The following ANKS1B variants were observed in gnomAD, a reference collection of about 807,000 sequenced individuals.
ANKS1B encodes the protein ankyrin repeat and sterile alpha motif domain-containing protein 1B.
A neutral mutation model predicts 148.3 loss-of-function variants in ANKS1B; 36 were observed. The ratio of observed to expected loss-of-function variants is 0.24; its 90% confidence interval spans 0.19 to 0.32. The LOEUF is 0.32. ANKS1B is among the 10% of genes least tolerant of loss of function. The pLI, the probability that ANKS1B is intolerant of heterozygous loss-of-function variation, is 1.00. For missense variants in ANKS1B, 1,157 were observed against 1,542.6 expected (o/e 0.75, Z 4.19); for synonymous variants, 542 against 560.8 (o/e 0.97, Z 0.47).
chr12:99,409,744 T>A (rs1484574626), intron 11 of ANKS1B, among the ~76,000 whole-genome samples: 2 of 148,996 alleles, frequency 1.3e-5, no homozygotes, highest in Non-Finnish European at 1.5e-5. Flanking sequence ...AATATTAAAA[T>A]GGAGATAAAA....
At chr12:99,499,894 A>G (rs2096639016) in intron 10 of ANKS1B, among the ~76,000 whole-genome samples, 1 of 152,112 alleles carries the variant, frequency 6.6e-6, no homozygotes, top group Admixed American at 6.5e-5. Flanking sequence ...CTGCCAAAAC[A>G]AAAACTTAAA....
intron 9 of ANKS1B, among the ~76,000 whole-genome samples, chr12:99,530,565 T>TA (rs1429589205): frequency 6.6e-5 from 10 of 152,194 alleles, no homozygotes; most frequent in African/African-American, 1.9e-4. Context: ...ACCACTGTAT[T>TA]AAAAAAATCA....
chr12:98,922,515 T>C (rs1385615141), intron 17 of ANKS1B, among the ~76,000 whole-genome samples: 1 of 152,234 alleles, frequency 6.6e-6, no homozygotes, highest in Non-Finnish European at 1.5e-5. Context: ...TTTTATTTTT[T>C]TGAGACAGAG....
intron 8 of ANKS1B, among the ~76,000 whole-genome samples, chr12:99,768,563 C>T (rs538749858): frequency 6.6e-6 from 1 of 152,218 alleles, no homozygotes; most frequent in African/African-American, 2.4e-5. Context: ...CGCAGTGGCT[C>T]ACACCTGTAA....
intron 1 of ANKS1B, among the ~76,000 whole-genome samples, chr12:99,847,085 G>A (rs554594361): frequency 5.3e-5 from 8 of 151,944 alleles, no homozygotes; most frequent in African/African-American, 1.9e-4. Flanking sequence ...GGCCTCAGAA[G>A]CAAGGTCTCT....
At chr12:98,768,338 C>T (rs1408210321) in intron 25 of ANKS1B, among the ~76,000 whole-genome samples, 3 of 145,946 alleles carry the variant, frequency 2.1e-5, no homozygotes, top group African/African-American at 5.1e-5. Flanking sequence ...ATGGTAGATT[C>T]CAAGCAACAA....
chr12:99,458,262 T>C (rs1052429657), intron 10 of ANKS1B, among the ~76,000 whole-genome samples: 23 of 151,970 alleles, frequency 1.5e-4, no homozygotes, highest in African/African-American at 5.6e-4. Context: ...ACCTCTGGGA[T>C]ACAGCAAAGG....
At chr12:98,795,786 C>T (rs956107994) in intron 22 of ANKS1B, 9 of 363,562 alleles carry the variant, frequency 2.5e-5, no homozygotes, top group Non-Finnish European at 4.8e-5. Flanking sequence ...GAGTGGACTG[C>T]CTGGTTTCAA....
At chr12:99,322,415 T>G (rs1382789111) in intron 12 of ANKS1B, among the ~76,000 whole-genome samples, 1 of 145,832 alleles carries the variant, frequency 6.9e-6, no homozygotes, top group African/African-American at 2.6e-5. Flanking sequence ...CAAACCACCA[T>G]GACACACGTA....
chr12:99,924,106 G>A (rs2153800902), intron 1 of ANKS1B, among the ~76,000 whole-genome samples: 1 of 152,152 alleles, frequency 6.6e-6, no homozygotes, highest in Non-Finnish European at 1.5e-5. Context: ...GTGTCTTCCT[G>A]ACATAGTACC....
intron 8 of ANKS1B, among the ~76,000 whole-genome samples, chr12:99,655,971 G>A (rs1482515584): frequency 6.6e-6 from 1 of 152,134 alleles, no homozygotes; most frequent in Non-Finnish European, 1.5e-5. Flanking sequence ...AGGTGTAAGT[G>A]TAGGTGGGGC....
At chr12:99,072,365 T>G (rs1229773555) in intron 16 of ANKS1B, among the ~76,000 whole-genome samples, 1 of 152,154 alleles carries the variant, frequency 6.6e-6, no homozygotes, top group Non-Finnish European at 1.5e-5. Flanking sequence ...TTTTTGTATT[T>G]ATATCTCACA....
chr12:98,894,900 C>T, intron 17 of ANKS1B: 1 of 960,276 alleles, frequency 1.0e-6, no homozygotes, highest in Non-Finnish European at 1.2e-6. Flanking sequence ...CCCCCACTGC[C>T]CCCGCCCCCC....
chr12:98,748,309 G>C (rs1336732675), intron 26 of ANKS1B, among the ~76,000 whole-genome samples: 1 of 152,152 alleles, frequency 6.6e-6, no homozygotes, highest in African/African-American at 2.4e-5. Context: ...AGGTGAGCAG[G>C]GACCCAGTCA....
At chr12:98,863,309 AT>A (rs537138172) in intron 17 of ANKS1B, among the ~76,000 whole-genome samples, 53 of 152,290 alleles carry the variant, frequency 3.5e-4, no homozygotes, top group South Asian at 6.2e-4. Flanking sequence ...GCTCGGCTGG[AT>A]CCCAGCTTCT....
At chr12:99,144,559 G>T (rs1600967035) in intron 15 of ANKS1B, among the ~76,000 whole-genome samples, 1 of 152,048 alleles carries the variant, frequency 6.6e-6, no homozygotes, top group Non-Finnish European at 1.5e-5. Flanking sequence ...ATAAACAAAG[G>T]CTACACATAT....
chr12:99,678,673 A>T (rs1189248903), intron 8 of ANKS1B, among the ~76,000 whole-genome samples: 5 of 152,176 alleles, frequency 3.3e-5, no homozygotes, highest in Non-Finnish European at 7.4e-5. Flanking sequence ...TTCTAAGCCT[A>T]AATTTCACTA....
At chr12:99,487,004 TCTC>T (rs2152954571) in intron 10 of ANKS1B, among the ~76,000 whole-genome samples, 1 of 152,260 alleles carries the variant, frequency 6.6e-6, no homozygotes. Context: ...GGGAATGACA[TCTC>T]CTTCTCCAAG....
intron 9 of ANKS1B, among the ~76,000 whole-genome samples, chr12:99,632,489 GC>G (rs1296897459): frequency 4.6e-5 from 7 of 151,724 alleles, no homozygotes; most frequent in Admixed American, 1.3e-4. Context: ...CTATACAGCT[GC>G]CAGCATGCAA....
Sources: allele counts gnomAD v4.1 joint callset (sites outside exome capture counted in the v4.1 genomes callset), GRCh38; gene constraint gnomAD v4.1.1; transcripts MANE v1.5; gene names NCBI Gene and HGNC (gene_info 2026-07-23, HGNC 2026-07-21).